The following KLF7 variants were observed in gnomAD, a reference collection of about 807,000 sequenced individuals.
KLF7 encodes Krueppel-like factor 7.
Under a neutral mutation model 27.3 loss-of-function variants are expected in KLF7, and 2 were observed. That is an observed-to-expected ratio of 0.07 (90% CI 0.03 to 0.23). The LOEUF is 0.23. Among genes scored for constraint, KLF7 ranks in the 10% least tolerant of loss-of-function variants. The pLI is 1.00. For synonymous variants in KLF7, 165 were observed against 162.4 expected (o/e 1.02, Z -0.12); for missense variants, 221 against 394.1 (o/e 0.56, Z 3.72).
At chr2:207,156,418 T>C (rs1020312498) in intron 1 of KLF7, among the ~76,000 whole-genome samples, 2 of 152,318 alleles carry the variant, frequency 1.3e-5, no homozygotes, top group South Asian at 2.1e-4. Flanking sequence ...AACACTGTGG[T>C]TGGTCAGTAA....
At chr2:207,130,008 C>A (rs1270055401) in intron 1 of KLF7, among the ~76,000 whole-genome samples, 1 of 152,174 alleles carries the variant, frequency 6.6e-6, no homozygotes, top group African/African-American at 2.4e-5. Flanking sequence ...GGGCATGGTG[C>A]CAAGGTTACC....
chr2:207,107,589 CA>C (rs1398168772), intron 2 of KLF7, among the ~76,000 whole-genome samples: 1 of 152,238 alleles, frequency 6.6e-6, no homozygotes, highest in Non-Finnish European at 1.5e-5. Flanking sequence ...TCTCCACCTT[CA>C]AGCCGCATCA....
intron 1 of KLF7, among the ~76,000 whole-genome samples, chr2:207,160,330 T>C (rs9288381): frequency 0.24 from 37,215 of 152,050 alleles, 5,238 homozygotes; most frequent in Middle Eastern, 0.32. Context: ...TCTGGCACCA[T>C]TCAAGTTAAG....
chr2:207,157,634 G>C (rs1322755825), intron 1 of KLF7, among the ~76,000 whole-genome samples: 4 of 152,184 alleles, frequency 2.6e-5, no homozygotes, highest in African/African-American at 9.7e-5. Flanking sequence ...AGGCCACCTG[G>C]GGTGATGGTG....
At chr2:207,152,277 AC>A (rs1295580297) in intron 1 of KLF7, among the ~76,000 whole-genome samples, 2 of 1,480 alleles carry the variant, frequency 1.4e-3, no homozygotes, top group South Asian at 0.2. Flanking sequence ...TTTCTTACAC[AC>A]ACACACACAC....
At chr2:207,114,575 G>T (rs181585010) in intron 2 of KLF7, among the ~76,000 whole-genome samples, 1 of 152,080 alleles carries the variant, frequency 6.6e-6, no homozygotes, top group Non-Finnish European at 1.5e-5. Context: ...CTTTTTCTTG[G>T]TTCTATTCAT....
Position 207,078,884 on chromosome 2 carries a change from C to G in KLF7, c.*2329G>C, listed in dbSNP as rs2076219947. 1 of 152,184 alleles carries G rather than the reference C, an allele frequency of 6.6e-6. No homozygotes were observed. The highest frequency in any genetic ancestry group is 2.4e-5 in the African/African-American group (1 of 41,432). The allele number at this position is 152,184 out of a possible 1,614,324, so 9.4% of individuals were successfully genotyped here. ...AGAGAACTACGAGATTGTCAGCAAG[C>G]AGTGCTCCAGAAATTGTTTTTAAGT... On this transcript the variant is annotated 3_prime_UTR_variant, in exon 4 of 4. Coordinates refer to ENST00000309446, the MANE Select transcript of KLF7 (RefSeq NM_003709.4).
chr2:207,161,353 A>G (rs1161648416), intron 1 of KLF7, among the ~76,000 whole-genome samples: 4 of 151,202 alleles, frequency 2.6e-5, no homozygotes, highest in African/African-American at 9.7e-5. Context: ...ATCACATACC[A>G]AAAAAAAACA....
chr2:207,089,608 T>C (rs1043815285), intron 2 of KLF7, among the ~76,000 whole-genome samples: 1 of 152,190 alleles, frequency 6.6e-6, no homozygotes, highest in Non-Finnish European at 1.5e-5. Context: ...AGAGGCAGGT[T>C]AGTATGTGGT....
chr2:207,134,154 A>ATCTTTT, intron 1 of KLF7: 1 of 1,141,046 alleles, frequency 8.8e-7, no homozygotes. Flanking sequence ...GGCTACTGGG[A>ATCTTTT]TTTTTTTTTT....
chr2:207,160,224 G>GC lies in KLF7; in HGVS notation c.102+5242dup, dbSNP rs146639356. Among the ~76,000 whole-genome samples, 42 of 151,956 alleles carry GC rather than the reference G, an allele frequency of 2.8e-4. No homozygotes were observed. The East Asian group carries it at 7.9e-3, about 29-fold the overall frequency. The stretch of plus-strand genomic sequence containing the variant: ...CGGCATTTTGGGGTTAAAACATTCC[G>GC]CCCCCCTACCCCCAATCGTTTATGC... On this transcript the variant is annotated intron_variant, in intron 1 of 3. Transcript: ENST00000309446.
upstream of KLF7, chr2:207,166,213 A>G (rs941261979): frequency 1.4e-5 from 14 of 981,438 alleles, no homozygotes; most frequent in Middle Eastern, 5.2e-4. Flanking sequence ...CAGGGGGCTC[A>G]TGAAGTCACT....
chr2:207,100,609 G>A (rs545181300), intron 2 of KLF7, among the ~76,000 whole-genome samples: 5 of 151,970 alleles, frequency 3.3e-5, no homozygotes, highest in East Asian at 1.9e-4. Context: ...CCCAACTCCC[G>A]CCCAAGCCTT....
intron 1 of KLF7, chr2:207,134,090 A>T: frequency 6.5e-7 from 1 of 1,534,520 alleles, no homozygotes; most frequent in East Asian, 2.4e-5. Flanking sequence ...AACATGCCGA[A>T]CCAGTTACAT....
chr2:207,090,912 A>T lies in KLF7; in HGVS notation c.734-2331T>A, dbSNP rs74386668. On this transcript the variant is annotated intron_variant, in intron 2 of 3. Coordinates refer to ENST00000309446, the MANE Select transcript of KLF7 (RefSeq NM_003709.4). Reference sequence around the variant, plus strand: ...ACAAAAAAAGGAGAATGAGGCACCTAAGACTTTGGAAATTCAAAACGCCCT... The same window carrying T: ...ACAAAAAAAGGAGAATGAGGCACCTTAGACTTTGGAAATTCAAAACGCCCT... Among the ~76,000 whole-genome samples, 791 of 152,288 alleles carry T rather than the reference A, an allele frequency of 5.2e-3. 13 individuals carry two copies. Among genetic ancestry groups the T allele is most frequent in the African/African-American group, 0.018 (766 of 41,554 alleles).
intron 2 of KLF7, among the ~76,000 whole-genome samples, chr2:207,100,631 G>C (rs1305398572): frequency 1.3e-5 from 2 of 152,090 alleles, no homozygotes; most frequent in African/African-American, 2.4e-5. Context: ...CTCACTCGCT[G>C]GGATGTCCCC....
At chr2:207,105,201 T>A (rs2076853996) in intron 2 of KLF7, among the ~76,000 whole-genome samples, 1 of 152,220 alleles carries the variant, frequency 6.6e-6, no homozygotes, top group Non-Finnish European at 1.5e-5. Flanking sequence ...AGGATTTCAT[T>A]CTTAACCCGC....
At chr2:207,096,160 G>A (rs2076623730) in intron 2 of KLF7, among the ~76,000 whole-genome samples, 3 of 152,148 alleles carry the variant, frequency 2.0e-5, no homozygotes, top group African/African-American at 7.2e-5. Flanking sequence ...AAATCTTAGA[G>A]TTATTTTTAA....
chr2:207,091,969 G>GA (rs1470367386), intron 2 of KLF7, among the ~76,000 whole-genome samples: 1 of 151,646 alleles, frequency 6.6e-6, no homozygotes, highest in Non-Finnish European at 1.5e-5. Flanking sequence ...CTTTATAAAA[G>GA]AAAAAAAGAA....
Sources: allele counts gnomAD v4.1 joint callset (sites outside exome capture counted in the v4.1 genomes callset), GRCh38; gene constraint gnomAD v4.1.1; transcripts MANE v1.5; gene names NCBI Gene and HGNC (gene_info 2026-07-23, HGNC 2026-07-21).